Variants in WWTR1 observed in about 807,000 individuals in gnomAD.
The protein encoded by WWTR1 is WW domain containing transcription regulator 1.
WWTR1 carries 13 observed loss-of-function variants against 40.1 expected under a neutral mutation model. The ratio of observed to expected loss-of-function variants is 0.32; its 90% confidence interval spans 0.21 to 0.52. The LOEUF (loss-of-function observed/expected upper bound fraction) is 0.52, where lower values mean the gene tolerates loss of function less well. WWTR1 is among the 20% of genes least tolerant of loss of function. The pLI, the probability that WWTR1 is intolerant of heterozygous loss-of-function variation, is 0.97. For synonymous variants in WWTR1, 230 were observed against 210.1 expected (o/e 1.09, Z -0.82); for missense variants, 436 against 523.1 (o/e 0.83, Z 1.63).
chr3:149,606,701 C>A (rs1739504103), intron 2 of WWTR1, among the ~76,000 whole-genome samples: 1 of 152,138 alleles, frequency 6.6e-6, no homozygotes, highest in Non-Finnish European at 1.5e-5. Context: ...ATGACATAAA[C>A]AATTACAGTT....
intron 2 of WWTR1, among the ~76,000 whole-genome samples, chr3:149,598,816 T>C (rs981926964): frequency 6.6e-6 from 1 of 152,230 alleles, no homozygotes; most frequent in Non-Finnish European, 1.5e-5. Context: ...CTTTTCTCAA[T>C]GTTTTGAGTT....
chr3:149,589,648 T>TG (rs1738603669), intron 2 of WWTR1, among the ~76,000 whole-genome samples: 1 of 148,744 alleles, frequency 6.7e-6, no homozygotes, highest in Admixed American at 6.7e-5. Context: ...TTCCATGAGT[T>TG]TTTTTTTTTT....
chr3:149,616,397 C>A (rs1215574030), intron 2 of WWTR1, among the ~76,000 whole-genome samples: 1 of 151,956 alleles, frequency 6.6e-6, no homozygotes, highest in African/African-American at 2.4e-5. Flanking sequence ...CTACGTATTT[C>A]TTCCTCTGTA....
chr3:149,667,380 T>C (rs935427813), intron 2 of WWTR1, among the ~76,000 whole-genome samples: 2 of 151,892 alleles, frequency 1.3e-5, no homozygotes, highest in African/African-American at 2.4e-5. Context: ...ATCCCGTCTC[T>C]ACTAAAAAAT....
chr3:149,618,994 CA>C (rs1250777892), intron 2 of WWTR1, among the ~76,000 whole-genome samples: 1 of 152,174 alleles, frequency 6.6e-6, no homozygotes, highest in African/African-American at 2.4e-5. Flanking sequence ...GCTTGCCAAA[CA>C]AGGAAATCCA....
chr3:149,622,502 G>GAAGGAAGAAAGAAAGAAAGAAAGAAAGA, intron 2 of WWTR1, among the ~76,000 whole-genome samples: 2 of 46,328 alleles, frequency 4.3e-5, no homozygotes, highest in African/African-American at 8.0e-5. Context: ...AGGAAGGAAG[G>GAAGGAAGAAAGAAAGAAAGAAAGAAAGA]AAGAAAGAAA....
At chr3:149,652,817 A>AAAG (rs1257187641) in intron 2 of WWTR1, among the ~76,000 whole-genome samples, 1 of 152,062 alleles carries the variant, frequency 6.6e-6, no homozygotes, top group African/African-American at 2.4e-5. Flanking sequence ...CATGGTGGTA[A>AAAG]AAGCACATTA....
At chr3:149,714,081 T>C (rs1395989626) in intron 5 of WWTR1, among the ~76,000 whole-genome samples, 1 of 152,112 alleles carries the variant, frequency 6.6e-6, no homozygotes, top group Non-Finnish European at 1.5e-5. Flanking sequence ...AGAAGAGCAG[T>C]GCGGTCGGAC....
rs2107890367 is a variant in WWTR1, at chr3:149,519,165, CA to C, written c.*1639del. ...ATTAAACAGTTGAGGACTTCATTGGCAATGCAGGCAGACTGCATGCCAGTTG... is the reference window on the plus strand; with the variant it reads ...ATTAAACAGTTGAGGACTTCATTGGCATGCAGGCAGACTGCATGCCAGTTG... On this transcript the variant is annotated 3_prime_UTR_variant, in exon 7 of 7. Transcript: ENST00000360632. 1 of 152,292 alleles carries C rather than the reference CA, an allele frequency of 6.6e-6. No homozygotes were observed. The highest frequency in any genetic ancestry group is 1.5e-5 in the Non-Finnish European group (1 of 68,026). 9.4% of individuals were successfully genotyped at this position (152,292 alleles called of 1,614,324 possible). A position where few individuals can be genotyped will look rare whatever the true frequency, so the allele number is the denominator to read the frequency against.
intron 5 of WWTR1, chr3:149,717,411 A>G (rs1411182524): frequency 6.6e-6 from 1 of 152,236 alleles, no homozygotes; most frequent in Non-Finnish European, 1.5e-5. Flanking sequence ...GCAGATTGAT[A>G]AAGGAAGCAG....
intron 2 of WWTR1, among the ~76,000 whole-genome samples, chr3:149,640,030 G>GAAAA (rs1712072828): frequency 6.9e-6 from 1 of 144,230 alleles, no homozygotes; most frequent in Non-Finnish European, 1.5e-5. Context: ...AAGAAAGAAA[G>GAAAA]AAAGAAAGAA....
At chr3:149,576,754 T>A (rs1737901801) in intron 2 of WWTR1, among the ~76,000 whole-genome samples, 1 of 152,202 alleles carries the variant, frequency 6.6e-6, no homozygotes, top group Non-Finnish European at 1.5e-5. Flanking sequence ...ACTGGTAATT[T>A]TTTTTTTCTT....
intron 2 of WWTR1, among the ~76,000 whole-genome samples, chr3:149,645,264 A>C (rs891471361): frequency 7.3e-5 from 11 of 151,338 alleles, no homozygotes; most frequent in African/African-American, 2.4e-4. Flanking sequence ...TATTTTTAGT[A>C]GAGATGGGGT....
chr3:149,526,076 C>A lies in WWTR1; in HGVS notation c.955G>T (p.Gly319Trp). 6.2e-7 allele frequency: 1 copy of A among 1,612,278 alleles called. No homozygotes were observed. Among genetic ancestry groups the A allele is most frequent in the Non-Finnish European group, 8.5e-7 (1 of 1,179,038 alleles). Residue 319 changes from glycine to tryptophan, a missense_variant, in exon 6 of 7, where the codon GGG becomes TGG. Physicochemically the swap from Gly to Trp is radical, Grantham distance 184. Coordinates refer to ENST00000360632, the MANE Select transcript of WWTR1 (RefSeq NM_015472.6). ...EQSTDSGLGL[G>W]CYSVPTTPED... ...GGAGTTGTGGGGACACTGTAGCACC[C>A]TAACCCCAGGCCACTGTCAGTGCTC...
chr3:149,552,730 T>C (rs1736661942), intron 3 of WWTR1, among the ~76,000 whole-genome samples: 1 of 152,218 alleles, frequency 6.6e-6, no homozygotes, highest in South Asian at 2.1e-4. Flanking sequence ...CCATAGAAAT[T>C]CAGGATAGAA....
At position 149,520,746 on chromosome 3, in the gene WWTR1, T is replaced by C; in HGVS notation, c.*59A>G. 6.9e-7 allele frequency: 1 copy of C among 1,445,888 alleles called. No individual in the cohort carries two copies. Among genetic ancestry groups the C allele is most frequent in the East Asian group, 2.6e-5 (1 of 38,984 alleles). The allele number at this position is 1,445,888 out of a possible 1,614,324, so 89.6% of individuals were successfully genotyped here. A position where few individuals can be genotyped will look rare whatever the true frequency, so the allele number is the denominator to read the frequency against. On this transcript the variant is annotated 3_prime_UTR_variant, in exon 7 of 7. Transcript: ENST00000360632. ...GCAGACTTGCTCTGCTCCATCACTT[T>C]TTCCAAGAGGCCCAGGAAATGTAAG...
chr3:149,619,769 C>T (rs1269481456), intron 2 of WWTR1, among the ~76,000 whole-genome samples: 6 of 152,188 alleles, frequency 3.9e-5, no homozygotes, highest in Admixed American at 3.9e-4. Flanking sequence ...TGCCAAGGGA[C>T]ACAGTTTACC....
At chr3:149,546,643 A>C (rs1480840591) in intron 3 of WWTR1, among the ~76,000 whole-genome samples, 1 of 152,264 alleles carries the variant, frequency 6.6e-6, no homozygotes. Flanking sequence ...GTTTTCCCAC[A>C]TGAATTTATC....
At chr3:149,712,952 A>G (rs919391958) in intron 5 of WWTR1, among the ~76,000 whole-genome samples, 2 of 152,228 alleles carry the variant, frequency 1.3e-5, no homozygotes, top group Non-Finnish European at 2.9e-5. Flanking sequence ...GCTCAAGGGC[A>G]TGCTGTAAAT....
Sources: gnomAD v4.1 joint callset for allele counts (sites outside exome capture counted in the v4.1 genomes callset) on GRCh38, gnomAD v4.1.1 for gene constraint, MANE v1.5 for transcripts, NCBI Gene and HGNC (gene_info 2026-07-23, HGNC 2026-07-21) for gene names.